Variants in GRM8 observed in about 807,000 individuals in gnomAD.
The protein encoded by GRM8 is metabotropic glutamate receptor 8.
In GRM8, 47 loss-of-function variants were observed where a neutral mutation model predicts 87.2. The observed-to-expected ratio is 0.54, with a 90% CI of 0.43 to 0.69. The LOEUF is 0.69. Among genes scored for constraint, GRM8 ranks in the 30% least tolerant of loss-of-function variants. The pLI is 0.00. For missense variants in GRM8, 1,019 were observed against 1,139.2 expected, an observed-to-expected ratio of 0.89 and a Z score of 1.52; for synonymous variants, 396 against 404.5, an observed-to-expected ratio of 0.98 and a Z score of 0.25.
chr7:127,160,012 G>T (rs904391458), intron 2 of GRM8, among the ~76,000 whole-genome samples: 1 of 152,128 alleles, frequency 6.6e-6, no homozygotes, highest in African/African-American at 2.4e-5. Context: ...GAATGTAAAA[G>T]AATATGTTTA....
chr7:126,865,121 C>T (rs1421601706), intron 6 of GRM8, among the ~76,000 whole-genome samples: 1 of 152,184 alleles, frequency 6.6e-6, no homozygotes, highest in African/African-American at 2.4e-5. Context: ...AATTCCAAAC[C>T]CAGCTTCAGC....
chr7:126,828,982 G>A (rs1241307015), intron 6 of GRM8, among the ~76,000 whole-genome samples: 1 of 152,166 alleles, frequency 6.6e-6, no homozygotes, highest in Non-Finnish European at 1.5e-5. Context: ...TAAGGAGCAG[G>A]TTGTTCAGTT....
intron 6 of GRM8, among the ~76,000 whole-genome samples, chr7:126,865,525 T>C (rs905921070): frequency 3.9e-5 from 6 of 152,174 alleles, no homozygotes. Context: ...TTTTAGAACG[T>C]TTTTATTACC....
chr7:126,499,423 A>T (rs969228177), intron 9 of GRM8, among the ~76,000 whole-genome samples: 1 of 151,812 alleles, frequency 6.6e-6, no homozygotes, highest in Non-Finnish European at 1.5e-5. Flanking sequence ...CAAAAAAAAA[A>T]AAACTAGAAT....
At chr7:126,982,633 G>A (rs1811649768) in intron 3 of GRM8, among the ~76,000 whole-genome samples, 1 of 152,016 alleles carries the variant, frequency 6.6e-6, no homozygotes, top group African/African-American at 2.4e-5. Context: ...AAGGAAAAAG[G>A]AAATGAAGAT....
intron 2 of GRM8, among the ~76,000 whole-genome samples, chr7:127,233,187 A>G (rs1272704426): frequency 6.6e-6 from 1 of 152,184 alleles, no homozygotes; most frequent in Non-Finnish European, 1.5e-5. Flanking sequence ...ATCTTGCTTA[A>G]GGTAACACAG....
intron 3 of GRM8, among the ~76,000 whole-genome samples, chr7:127,019,435 A>T (rs1440959916): frequency 2.6e-5 from 4 of 152,120 alleles, no homozygotes; most frequent in African/African-American, 9.7e-5. Flanking sequence ...ATTTATCATA[A>T]GTAACATGAA....
At chr7:126,695,175 T>A (rs1809244038) in intron 7 of GRM8, among the ~76,000 whole-genome samples, 1 of 152,146 alleles carries the variant, frequency 6.6e-6, no homozygotes, top group Non-Finnish European at 1.5e-5. Context: ...CAAATCTTGA[T>A]CCATCAAAAT....
chr7:127,097,057 A>G (rs951485557), intron 3 of GRM8, among the ~76,000 whole-genome samples: 4 of 152,174 alleles, frequency 2.6e-5, no homozygotes, highest in Admixed American at 2.0e-4. Flanking sequence ...AGCCTGTTAC[A>G]TGCCAGGTAC....
chr7:126,768,181 T>C (rs546793462), intron 7 of GRM8, among the ~76,000 whole-genome samples: 1 of 152,056 alleles, frequency 6.6e-6, no homozygotes, highest in East Asian at 1.9e-4. Context: ...ATCTCCCTTT[T>C]CAGCACTCAT....
intron 9 of GRM8, among the ~76,000 whole-genome samples, chr7:126,504,624 C>T (rs569281861): frequency 6.6e-6 from 1 of 152,000 alleles, no homozygotes; most frequent in African/African-American, 2.4e-5. Context: ...ATATAACAAA[C>T]CTGCACATGT....
intron 8 of GRM8, among the ~76,000 whole-genome samples, chr7:126,545,244 G>T (rs967098232): frequency 6.6e-6 from 1 of 152,120 alleles, no homozygotes; most frequent in East Asian, 1.9e-4. Context: ...TGGGTAAATG[G>T]GATGTAATAA....
At chr7:126,689,585 T>C (rs1205501414) in intron 7 of GRM8, among the ~76,000 whole-genome samples, 3 of 151,974 alleles carry the variant, frequency 2.0e-5, no homozygotes, top group Non-Finnish European at 2.9e-5. Flanking sequence ...AGAGTGTATG[T>C]GTGTCAGGGG....
At chr7:127,230,407 T>C (rs1302393300) in intron 2 of GRM8, among the ~76,000 whole-genome samples, 2 of 152,024 alleles carry the variant, frequency 1.3e-5, no homozygotes, top group Non-Finnish European at 2.9e-5. Flanking sequence ...TGGCATCAGG[T>C]AAAAGTTCAC....
chr7:126,860,972 T>G (rs1450309648), intron 6 of GRM8, among the ~76,000 whole-genome samples: 2 of 152,174 alleles, frequency 1.3e-5, no homozygotes, highest in Non-Finnish European at 2.9e-5. Flanking sequence ...TTAAAATTGT[T>G]GTATGGTTTG....
intron 3 of GRM8, among the ~76,000 whole-genome samples, chr7:127,096,252 T>C (rs1176954207): frequency 6.6e-6 from 1 of 151,934 alleles, no homozygotes; most frequent in Non-Finnish European, 1.5e-5. Flanking sequence ...CTGGTGTAGA[T>C]GGGCTCCTTA....
At chr7:127,039,380 G>A (rs1173008331) in intron 3 of GRM8, among the ~76,000 whole-genome samples, 1 of 152,102 alleles carries the variant, frequency 6.6e-6, no homozygotes, top group Non-Finnish European at 1.5e-5. Context: ...AAGCCAGAGA[G>A]GGAGGCCTCA....
intron 9 of GRM8, among the ~76,000 whole-genome samples, chr7:126,459,987 A>C (rs1279337601): frequency 1.3e-5 from 2 of 151,494 alleles, no homozygotes; most frequent in Non-Finnish European, 3.0e-5. Context: ...CTAGATCCTG[A>C]CAGCCCTAGA....
At chr7:126,872,683 C>T (rs1207021408) in intron 6 of GRM8, among the ~76,000 whole-genome samples, 2 of 152,096 alleles carry the variant, frequency 1.3e-5, no homozygotes, top group African/African-American at 4.8e-5. Flanking sequence ...TATCCAGATT[C>T]CCTGCAGTTG....
Sources: allele counts gnomAD v4.1 joint callset (sites outside exome capture counted in the v4.1 genomes callset), GRCh38; gene constraint gnomAD v4.1.1; transcripts MANE v1.5; gene names NCBI Gene and HGNC (gene_info 2026-07-23, HGNC 2026-07-21).